PLS1: variants seen among roughly 807,000 people sequenced by gnomAD.
PLS1 encodes the protein plastin-1.
Under a neutral mutation model 73.7 loss-of-function variants are expected in PLS1, and 32 were observed. The ratio of observed to expected loss-of-function variants is 0.43; its 90% CI spans 0.33 to 0.58. The LOEUF is 0.58. Among genes scored for constraint, PLS1 ranks in the 20% least tolerant of loss-of-function variants. The probability of loss-of-function intolerance (pLI) is 0.04; values close to 1 mark genes in which losing one functional copy is unlikely to be tolerated. For missense variants in PLS1, 633 were observed against 740.5 expected (o/e 0.85, Z 1.68); for synonymous variants, 217 against 261.3 (o/e 0.83, Z 1.63).
chr3:142,703,918 C>A lies in PLS1; in HGVS notation c.1422C>A (p.Phe474Leu). Residue 474 changes from phenylalanine (F) to leucine (L), a missense_variant, in exon 13 of 16, where the codon TTC becomes TTA. Physicochemically the swap from Phe to Leu is conservative, Grantham distance 22. Transcript: ENST00000457734. Reference sequence around the variant, plus strand: ...AACTTGGGAAGAACAAGGCCAAATTCTCCTTGGTTGGCATTGCTGGGCAGG... The same window carrying A: ...AACTTGGGAAGAACAAGGCCAAATTATCCTTGGTTGGCATTGCTGGGCAGG... Reference protein sequence around the residue: ...AVELGKNKAKFSLVGIAGQDL... With the variant: ...AVELGKNKAKLSLVGIAGQDL... The A allele has an allele frequency of 6.2e-7, 1 of 1,611,604 alleles. No individual in the cohort carries two copies. The highest frequency in any genetic ancestry group is 2.2e-5 in the East Asian group (1 of 44,862).
At chr3:142,704,087 A>G in intron 13 of PLS1, 86 bp downstream of exon 13, 1 of 1,096,676 alleles carries the variant, frequency 9.1e-7, no homozygotes, top group East Asian at 2.4e-5. Context: ...TTGAACAATA[A>G]TGAACACAGA....
chr3:142,704,635 ATTTTTT>A (rs10631186), intron 14 of PLS1, 49 bp downstream of exon 14: 545 of 261,570 alleles, frequency 2.1e-3, no homozygotes, highest in South Asian at 2.9e-3. Flanking sequence ...ATAGGAAGGA[ATTTTTT>A]TTTTTTTTTT....
chr3:142,655,994 C>T (rs2037227947), intron 1 of PLS1, among the ~76,000 whole-genome samples: 1 of 152,092 alleles, frequency 6.6e-6, no homozygotes, highest in African/African-American at 2.4e-5. Context: ...TAGAGTCTCA[C>T]TCCGTCACCC....
chr3:142,686,303 A>C lies in PLS1; in HGVS notation c.908A>C (p.His303Pro). The C allele has an allele frequency of 6.2e-7, 1 of 1,606,338 alleles. No homozygotes were observed. The highest frequency in any genetic ancestry group is 8.5e-7 in the Non-Finnish European group (1 of 1,173,004). Reference protein sequence around the residue: ...QDIKDSRAYFHLLNQIAPKGG... With the variant: ...QDIKDSRAYFPLLNQIAPKGG... Reference sequence around the variant, plus strand: ...TTGAAGGACTCGAGAGCCTATTTTCATCTGCTTAATCAGATTGCCCCTAAA... The same window carrying C: ...TTGAAGGACTCGAGAGCCTATTTTCCTCTGCTTAATCAGATTGCCCCTAAA... The change falls in exon 9 of 16, where the codon CAT becomes CCT. Residue 303 changes from histidine (H) to proline (P), a missense_variant. His to Pro is a moderately conservative substitution (Grantham distance 77). Coordinates refer to ENST00000457734, the MANE Select transcript of PLS1 (RefSeq NM_001145319.2).
chr3:142,647,255 C>T lies in PLS1; in HGVS notation c.-36-16947C>T, dbSNP rs903341241. The stretch of plus-strand genomic sequence containing the variant: ...GAGAAATTAAAAGTGATGTTGTTAA[C>T]TAAAATCTATATTGTATTGCATCAA... On this transcript the variant is annotated intron_variant, in intron 1 of 15. Coordinates refer to ENST00000457734, the MANE Select transcript of PLS1 (RefSeq NM_001145319.2). 3.9e-5 allele frequency among the ~76,000 whole-genome samples: 6 copies of T among 152,308 alleles called. No individual in the cohort carries two copies. The South Asian group carries it at 1.2e-3, about 32-fold the overall frequency.
At chr3:142,682,948 T>G (rs1213586171) in intron 6 of PLS1, among the ~76,000 whole-genome samples, 1 of 152,260 alleles carries the variant, frequency 6.6e-6, no homozygotes, top group Non-Finnish European at 1.5e-5. Context: ...TCAGGAGAAC[T>G]ATATTTAAAT....
At chr3:142,692,932 T>A (rs2038116447) in intron 10 of PLS1, among the ~76,000 whole-genome samples, 1 of 152,112 alleles carries the variant, frequency 6.6e-6, no homozygotes, top group African/African-American at 2.4e-5. Context: ...ATGTTTATAT[T>A]TATGTCACTT....
chr3:142,668,127 C>G (rs1006841154), intron 2 of PLS1, among the ~76,000 whole-genome samples: 1 of 152,068 alleles, frequency 6.6e-6, no homozygotes, highest in East Asian at 1.9e-4. Context: ...CAAAGAGAGC[C>G]TATACAAGGT....
At chr3:142,598,697 C>T (rs553314062) in intron 1 of PLS1, among the ~76,000 whole-genome samples, 6 of 152,138 alleles carry the variant, frequency 3.9e-5, no homozygotes, top group African/African-American at 1.4e-4. Context: ...TTCTTTTTAT[C>T]TTAAAAGTAC....
chr3:142,597,246 T>G (rs1349102744), intron 1 of PLS1: 1 of 152,196 alleles, frequency 6.6e-6, no homozygotes, highest in Non-Finnish European at 1.5e-5. Context: ...GCCACGGTGT[T>G]GGATACACTT....
At chr3:142,638,549 A>G (rs2036754464) in intron 1 of PLS1, among the ~76,000 whole-genome samples, 1 of 152,138 alleles carries the variant, frequency 6.6e-6, no homozygotes, top group Non-Finnish European at 1.5e-5. Context: ...ATGTGTCTTT[A>G]AACTCTTTCT....
chr3:142,653,400 G>T (rs1394775146), intron 1 of PLS1, among the ~76,000 whole-genome samples: 2 of 145,360 alleles, frequency 1.4e-5, no homozygotes, highest in African/African-American at 5.1e-5. Context: ...TGGCTCTGTT[G>T]CCCAGGCTGG....
At chr3:142,623,278 A>C (rs2036352047) in intron 1 of PLS1, 1 of 152,226 alleles carries the variant, frequency 6.6e-6, no homozygotes, top group African/African-American at 2.4e-5. Flanking sequence ...CTCCCCAGCT[A>C]TAATCAAATA....
At chr3:142,623,607 G>A (rs1270816526) in intron 1 of PLS1, 1 of 152,100 alleles carries the variant, frequency 6.6e-6, no homozygotes, top group East Asian at 1.9e-4. Flanking sequence ...GACAGCCTCG[G>A]ATTCCAGGCT....
At chr3:142,680,775 T>C (rs537162876) in intron 6 of PLS1, among the ~76,000 whole-genome samples, 1 of 152,294 alleles carries the variant, frequency 6.6e-6, no homozygotes, top group Admixed American at 6.5e-5. Flanking sequence ...TCCCAGCAAC[T>C]TTATAATAAG....
At chr3:142,603,926 T>G (rs2035973358) in intron 1 of PLS1, among the ~76,000 whole-genome samples, 1 of 152,088 alleles carries the variant, frequency 6.6e-6, no homozygotes, top group South Asian at 2.1e-4. Flanking sequence ...GTAGAAGGTG[T>G]CTGAGGGGCT....
chr3:142,631,049 A>G (rs924130373), intron 1 of PLS1, among the ~76,000 whole-genome samples: 2 of 151,860 alleles, frequency 1.3e-5, no homozygotes, highest in Non-Finnish European at 2.9e-5. Context: ...TGTTCAACAG[A>G]TGGTGTTGGA....
chr3:142,680,301 G>A (rs2037821399), intron 6 of PLS1, among the ~76,000 whole-genome samples: 1 of 152,106 alleles, frequency 6.6e-6, no homozygotes, highest in South Asian at 2.1e-4. Flanking sequence ...GTGGCCTCAA[G>A]TGATCTTCCT....
chr3:142,641,226 A>C (rs1199333731), intron 1 of PLS1, among the ~76,000 whole-genome samples: 21 of 145,740 alleles, frequency 1.4e-4, no homozygotes, highest in Middle Eastern at 3.6e-3. Flanking sequence ...ATATAGATAT[A>C]TATAATATCT....
Sources: allele counts gnomAD v4.1 joint callset (sites outside exome capture counted in the v4.1 genomes callset), GRCh38; gene constraint gnomAD v4.1.1; transcripts MANE v1.5; gene names NCBI Gene and HGNC (gene_info 2026-07-23, HGNC 2026-07-21).